Variants in RHOG observed in about 807,000 individuals in gnomAD.
RHOG encodes rho-related GTP-binding protein RhoG.
A neutral mutation model predicts 12.3 loss-of-function variants in RHOG; 1 was observed. The observed-to-expected ratio is 0.08, with a 90% confidence interval of 0.03 to 0.39. The LOEUF is 0.39. RHOG is among the 10% of genes least tolerant of loss of function. The probability of loss-of-function intolerance (pLI) is 0.99; values close to 1 mark genes in which losing one functional copy is unlikely to be tolerated. For missense variants in RHOG, 114 were observed against 266.2 expected, an observed-to-expected ratio of 0.43 and a Z score of 3.98; for synonymous variants, 129 against 116.0, an observed-to-expected ratio of 1.11 and a Z score of -0.72.
intron 1 of RHOG, among the ~76,000 whole-genome samples, chr11:3,840,316 TG>T: frequency 6.6e-6 from 1 of 152,066 alleles, no homozygotes; most frequent in Non-Finnish European, 1.5e-5. Context: ...AGACAACGAC[TG>T]GGGTCGGCGG....
At chr11:3,836,774 A>G (rs1312950846) in intron 1 of RHOG, among the ~76,000 whole-genome samples, 1 of 151,756 alleles carries the variant, frequency 6.6e-6, no homozygotes, top group Non-Finnish European at 1.5e-5. Context: ...CTGGTGGTGC[A>G]TGCCGGTAGT....
intron 1 of RHOG, among the ~76,000 whole-genome samples, chr11:3,829,115 C>G (rs1307346475): frequency 6.6e-6 from 1 of 152,140 alleles, no homozygotes; most frequent in Non-Finnish European, 1.5e-5. Flanking sequence ...AGGGCCCACC[C>G]TGCCCTCTCC....
At position 3,827,938 on chromosome 11, in the gene RHOG, G is replaced by A. The variant is rs1423638236; in HGVS notation, c.201C>T (p.Leu67=). Residue 67 remains leucine, a synonymous_variant, in exon 2 of 2, where the codon CTC becomes CTT. Transcript: ENST00000351018. The surrounding 1 kb of genome is among the most constrained non-coding windows in gnomAD (Gnocchi z 7.3). Reference sequence around the variant, plus strand: ...TGGTCTGAGGGTAGGAGAGTGTACGGAGGCGGTCATACTCCTCCTGGCCCG... The same window carrying A: ...TGGTCTGAGGGTAGGAGAGTGTACGAAGGCGGTCATACTCCTCCTGGCCCG... ...DTAGQEEYDR[L]RTLSYPQTNV... 6 of 1,614,152 alleles carry A rather than the reference G, an allele frequency of 3.7e-6. No individual in the cohort carries two copies. Among genetic ancestry groups the A allele is most frequent in the Non-Finnish European group, 5.1e-6 (6 of 1,180,056 alleles).
At position 3,827,897 on chromosome 11, in the gene RHOG, CAG is replaced by C. The variant is rs779768150; in HGVS notation, c.240_241del (p.Ile80MetfsTer11). 6.2e-7 allele frequency: 1 copy of C among 1,614,264 alleles called. No individual in the cohort carries two copies. The highest frequency in any genetic ancestry group is 8.5e-7 in the Non-Finnish European group (1 of 1,180,040). ...GGACGGCGGACTGGCAATGGAGAAACAGATGACGAAAACGTTGGTCTGAGGGT... is the reference window on the plus strand; with the variant it reads ...GGACGGCGGACTGGCAATGGAGAAACATGACGAAAACGTTGGTCTGAGGGT... On this transcript the variant is annotated frameshift_variant, in exon 2 of 2. Transcript: ENST00000351018. LOFTEE classifies it high-confidence loss of function. This position sits in a 1 kb window ranked among gnomAD's most constrained non-coding sequence, Gnocchi z 7.3.
At chr11:3,839,229 C>T (rs1038228129) in intron 1 of RHOG, among the ~76,000 whole-genome samples, 24 of 152,220 alleles carry the variant, frequency 1.6e-4, no homozygotes, top group African/African-American at 5.3e-4. Context: ...TGTCTTCCGG[C>T]TTCTAGGCCT....
At chr11:3,837,382 A>T (rs991836813) in intron 1 of RHOG, among the ~76,000 whole-genome samples, 3 of 152,100 alleles carry the variant, frequency 2.0e-5, no homozygotes, top group Non-Finnish European at 4.4e-5. Flanking sequence ...CTCAAGCTCT[A>T]ACAGTCCTTG....
chr11:3,832,144 G>A (rs538212355), intron 1 of RHOG, among the ~76,000 whole-genome samples: 7 of 152,230 alleles, frequency 4.6e-5, no homozygotes, highest in African/African-American at 7.2e-5. Context: ...TTTATCTGCC[G>A]ACCTTGACCC....
chr11:3,838,197 C>T (rs547342468), intron 1 of RHOG, among the ~76,000 whole-genome samples: 18 of 152,342 alleles, frequency 1.2e-4, no homozygotes, highest in East Asian at 1.2e-3. Context: ...AAGACTTCAG[C>T]GGCAGCCTCC....
At chr11:3,836,364 A>AAG (rs1489652866) in intron 1 of RHOG, among the ~76,000 whole-genome samples, 1 of 101,714 alleles carries the variant, frequency 9.8e-6, no homozygotes, top group Non-Finnish European at 2.4e-5. Flanking sequence ...CTCCAAAAAA[A>AAG]AAAAAAAAAG....
intron 1 of RHOG, among the ~76,000 whole-genome samples, chr11:3,833,683 C>A (rs1287790541): frequency 6.6e-6 from 1 of 152,196 alleles, no homozygotes; most frequent in African/African-American, 2.4e-5. Flanking sequence ...CCACATAGCA[C>A]TGTTATAAGG....
intron 1 of RHOG, among the ~76,000 whole-genome samples, chr11:3,837,407 G>A (rs943088658): frequency 1.3e-5 from 2 of 151,830 alleles, no homozygotes; most frequent in African/African-American, 4.8e-5. Flanking sequence ...TGGGGAAAGG[G>A]CAGTACTATC....
In RHOG at chr11:3,827,910, C is replaced by T. The variant is rs2090093388; in HGVS notation, c.229G>A (p.Val77Ile). 1 of 1,614,244 alleles carries T rather than the reference C, an allele frequency of 6.2e-7. No homozygotes were observed. The change falls in exon 2 of 2, where the codon GTT becomes ATT. Residue 77 changes from valine to isoleucine, a missense_variant. Transcript: ENST00000351018. This position sits in a 1 kb window ranked among gnomAD's most constrained non-coding sequence, Gnocchi z 7.3. ...GCAATGGAGAAACAGATGACGAAAACGTTGGTCTGAGGGTAGGAGAGTGTA... is the reference window on the plus strand; with the variant it reads ...GCAATGGAGAAACAGATGACGAAAATGTTGGTCTGAGGGTAGGAGAGTGTA... ...LRTLSYPQTN[V>I]FVICFSIASP... is the part of the protein sequence containing the mutation.
At chr11:3,839,185 A>C (rs1244318573) in intron 1 of RHOG, among the ~76,000 whole-genome samples, 3 of 152,114 alleles carry the variant, frequency 2.0e-5, no homozygotes, top group Admixed American at 1.3e-4. Flanking sequence ...GTGATGCTGG[A>C]ACTAGTAGGT....
intron 1 of RHOG, among the ~76,000 whole-genome samples, chr11:3,834,039 C>T (rs2090143925): frequency 6.6e-6 from 1 of 152,244 alleles, no homozygotes; most frequent in Non-Finnish European, 1.5e-5. Context: ...TCTCCTGCCT[C>T]AGCCTCCTGA....
chr11:3,835,562 C>G (rs1445597720), intron 1 of RHOG, among the ~76,000 whole-genome samples: 1 of 152,180 alleles, frequency 6.6e-6, no homozygotes, highest in African/African-American at 2.4e-5. Flanking sequence ...AAGGAAGAAC[C>G]TCTAGGACCA....
At chr11:3,831,406 G>A (rs554666465) in intron 1 of RHOG, among the ~76,000 whole-genome samples, 1 of 150,102 alleles carries the variant, frequency 6.7e-6, no homozygotes, top group African/African-American at 2.5e-5. Flanking sequence ...TTGCATGAAT[G>A]AGAGAGAGTG....
intron 1 of RHOG, among the ~76,000 whole-genome samples, chr11:3,828,502 G>A (rs2090103224): frequency 1.3e-5 from 2 of 152,078 alleles, no homozygotes; most frequent in African/African-American, 4.8e-5. Flanking sequence ...ACCTCTGTAT[G>A]CCTAAGTTTT....
Position 3,828,191 on chromosome 11 carries a change from C to T in RHOG, c.-53G>A, listed in dbSNP as rs1025814558. The T allele has an allele frequency of 1.3e-6, 2 of 1,519,820 alleles. No homozygotes were observed. The highest frequency in any genetic ancestry group is 4.7e-5 in the East Asian group (2 of 42,572). 94.1% of individuals were successfully genotyped at this position (1,519,820 alleles called of 1,614,324 possible). ...AGTGCCTCCTCTCTCTTCTGGACCC[C>T]TCTGGCTGCAGTGACCTGTGGACAG... is the stretch of plus-strand genomic sequence containing the variant. On this transcript the variant is annotated 5_prime_UTR_variant, in exon 2 of 2. Coordinates refer to ENST00000351018, the MANE Select transcript of RHOG (RefSeq NM_001665.4).
intron 1 of RHOG, among the ~76,000 whole-genome samples, chr11:3,829,978 C>T (rs1476850075): frequency 6.6e-6 from 1 of 152,162 alleles, no homozygotes; most frequent in Non-Finnish European, 1.5e-5. Flanking sequence ...AACTCCTGAC[C>T]TTGTGATCTG....
Sources: allele counts gnomAD v4.1 joint callset (sites outside exome capture counted in the v4.1 genomes callset), GRCh38; gene constraint gnomAD v4.1.1; non-coding constraint Gnocchi (gnomAD v3.1); transcripts MANE v1.5; gene names NCBI Gene and HGNC (gene_info 2026-07-23, HGNC 2026-07-21).